ATG16L2: variants seen among roughly 807,000 people sequenced by gnomAD.
ATG16L2 encodes autophagy related 16 like 2.
In ATG16L2, 77 loss-of-function variants were observed where a neutral mutation model predicts 84.7. The observed-to-expected ratio is 0.91, with a 90% CI of 0.76 to 1.10. The LOEUF is 1.10. Ranked by LOEUF, ATG16L2 falls within the 50% of genes least tolerant of loss-of-function variation. The probability of loss-of-function intolerance (pLI) is 0.00; values close to 1 mark genes in which losing one functional copy is unlikely to be tolerated. For synonymous variants in ATG16L2, 361 were observed against 342.8 expected, an observed-to-expected ratio of 1.05 and a Z score of -0.59; for missense variants, 782 against 817.6, an observed-to-expected ratio of 0.96 and a Z score of 0.53.
chr11:72,825,479 G>A, intron 10 of ATG16L2, 72 bp downstream of exon 10: 1 of 1,167,758 alleles, frequency 8.6e-7, no homozygotes, highest in Non-Finnish European at 1.3e-6. Flanking sequence ...CTCCTTGGTG[G>A]GCAGAGGTCT....
chr11:72,826,490 CCT>C (rs1375496534), intron 11 of ATG16L2, 26 bp from the exon 12 acceptor site: 2 of 1,613,270 alleles, frequency 1.2e-6, no homozygotes, highest in Non-Finnish European at 1.7e-6. Context: ...CGGCTTAGCA[CCT>C]CTCACTTCCT....
rs549552442 is a variant in ATG16L2, at chr11:72,816,600, C to G, written c.119-128C>G. ...CCTCAGGCACAGGGCAGAGGCCAGC[C>G]TGCCAGAAGCTTCCCCATCCCTAGC... On this transcript the variant is annotated intron_variant, in intron 1 of 17. Transcript: ENST00000321297. 74 of 727,654 alleles carry G rather than the reference C, an allele frequency of 1.0e-4. 1 individual carries two copies. The East Asian group carries it at 1.9e-3, about 19-fold the overall frequency. The allele number at this position is 727,654 out of a possible 1,614,324, so 45.1% of individuals were successfully genotyped here.
chr11:72,823,056 G>A (rs1352443196), intron 7 of ATG16L2, 95 bp downstream of exon 7: 2 of 856,862 alleles, frequency 2.3e-6, no homozygotes, highest in African/African-American at 1.7e-5. Flanking sequence ...CAGCTCTTGG[G>A]TTGGGAGGGG....
Position 72,822,974 on chromosome 11 carries a change from G to A in ATG16L2, c.824+13G>A. 1 of 1,541,966 alleles carries A rather than the reference G, an allele frequency of 6.5e-7. No homozygotes were observed. On this transcript the variant is annotated intron_variant, in intron 7 of 17. Coordinates refer to ENST00000321297, the MANE Select transcript of ATG16L2 (RefSeq NM_033388.2). This position sits in a 1 kb window ranked among gnomAD's most constrained non-coding sequence, Gnocchi z 4.2. Reference sequence around the variant, plus strand: ...AGAGGCCCTTCAGGTGAGGACCCAGGTGACAGTCTCAGAGCTCTGAGCTGA... The same window carrying A: ...AGAGGCCCTTCAGGTGAGGACCCAGATGACAGTCTCAGAGCTCTGAGCTGA...
At chr11:72,823,343 A>G in intron 7 of ATG16L2, 1 of 324,028 alleles carries the variant, frequency 3.1e-6, no homozygotes. Flanking sequence ...ATGAGGCCAC[A>G]GGTGTGTACA....
rs554819732 is a variant in ATG16L2, at chr11:72,824,619, T to C, written c.888-115T>C. On this transcript the variant is annotated intron_variant, in intron 8 of 17. Transcript: ENST00000321297. Reference sequence around the variant, plus strand: ...ATGCTCTCGCTGCTCCTTGGGGCCATGTTCTGCCGCCTGCCATGTCTGCTT... The same window carrying C: ...ATGCTCTCGCTGCTCCTTGGGGCCACGTTCTGCCGCCTGCCATGTCTGCTT... 6.4e-6 allele frequency: 5 copies of C among 786,594 alleles called. No homozygotes were observed. In the South Asian group the frequency reaches 7.2e-5, roughly 11 times the overall value. The allele number at this position is 786,594 out of a possible 1,614,324, so 48.7% of individuals were successfully genotyped here.
rs201419985 is a variant in ATG16L2, at chr11:72,822,430, C to A, written c.645-48C>A. The A allele has an allele frequency of 6.2e-6, 10 of 1,611,256 alleles. No individual in the cohort carries two copies. Among genetic ancestry groups the A allele is most frequent in the East Asian group, 2.2e-5 (1 of 44,818 alleles). ...AAGGGACCGGGTCTAGCCCCGCCTG[C>A]GTGCGAGGCGCCGCGCCAGGGTCTC... On this transcript the variant is annotated intron_variant, in intron 5 of 17. Transcript: ENST00000321297. This position sits in a 1 kb window ranked among gnomAD's most constrained non-coding sequence, Gnocchi z 4.2.
At position 72,828,917 on chromosome 11, in the gene ATG16L2, G is replaced by A. The variant is rs760032306; in HGVS notation, c.1705G>A (p.Asp569Asn). 5.6e-6 allele frequency: 9 copies of A among 1,614,074 alleles called. No homozygotes were observed. Among genetic ancestry groups the A allele is most frequent in the Non-Finnish European group, 7.6e-6 (9 of 1,180,042 alleles). ...DRSYALAGSCDGALYIWDVDT... is the reference protein window; with the variant it reads ...DRSYALAGSCNGALYIWDVDT... The stretch of plus-strand genomic sequence containing the variant: ...AAGCTATGCACTGGCAGGCTCCTGT[G>A]ATGGGGCCCTTTACATCTGGGATGT... Residue 569 changes from aspartate to asparagine, a missense_variant, in exon 17 of 18, where the codon GAT (aspartate) becomes AAT (asparagine). Coordinates refer to ENST00000321297, the MANE Select transcript of ATG16L2 (RefSeq NM_033388.2).
chr11:72,817,786 C>A lies in ATG16L2; in HGVS notation c.249C>A (p.Val83=). 6.2e-7 allele frequency: 1 copy of A among 1,613,650 alleles called. No homozygotes were observed. Among genetic ancestry groups the A allele is most frequent in the Non-Finnish European group, 8.5e-7 (1 of 1,180,018 alleles). The change falls in exon 3 of 18, where the codon GTC becomes GTA. Residue 83 remains valine, a synonymous_variant. Coordinates refer to ENST00000321297, the MANE Select transcript of ATG16L2 (RefSeq NM_033388.2). Reference sequence around the variant, plus strand: ...AGTCAGAGCTTGACTCAGACCAAGTCCCATCACTGGTCGCACTGAGGGTGA... The same window carrying A: ...AGTCAGAGCTTGACTCAGACCAAGTACCATCACTGGTCGCACTGAGGGTGA... The part of the protein sequence containing the change: ...WEESELDSDQ[V]PSLVALRVKW...
At chr11:72,827,113 C>A in intron 13 of ATG16L2, 75 bp from the exon 14 acceptor site, 1 of 1,206,104 alleles carries the variant, frequency 8.3e-7, no homozygotes, top group Non-Finnish European at 1.2e-6. Context: ...TGGGCCTCAG[C>A]TTCTCCATAT....
intron 3 of ATG16L2, chr11:72,818,129 G>C (rs1859794695): frequency 4.5e-6 from 2 of 446,266 alleles, no homozygotes; most frequent in South Asian, 5.3e-5. Context: ...AGCCTGCTCT[G>C]CTCACTACTC....
At chr11:72,824,150 CCCA>C (rs956656729) in intron 8 of ATG16L2, 28 bp downstream of exon 8, 6 of 1,613,818 alleles carry the variant, frequency 3.7e-6, no homozygotes, top group Non-Finnish European at 5.1e-6. Context: ...TGTGTGTGCA[CCCA>C]CGTGTGTGTC....
chr11:72,826,648 GC>G, intron 12 of ATG16L2, 54 bp from the exon 13 acceptor site: 1 of 1,614,104 alleles, frequency 6.2e-7, no homozygotes, highest in Non-Finnish European at 8.5e-7. Flanking sequence ...GGACTAGGGG[GC>G]CTGTTATGGG....
At position 72,828,967 on chromosome 11, in the gene ATG16L2, A is replaced by G. The variant is rs149372160; in HGVS notation, c.1755A>G (p.Arg585=). Residue 585 remains arginine (R), a synonymous_variant, in exon 17 of 18, where the codon AGA becomes AGG. Transcript: ENST00000321297. ...TGGACACCGGGAAACTGGAGAGCAG[A>G]CTACAGGGACCCCATTGGTGAGCAT... ...WDVDTGKLES[R]LQGPHCAAVN... 1 of 1,613,884 alleles carries G rather than the reference A, an allele frequency of 6.2e-7. No individual in the cohort carries two copies.
chr11:72,828,821 G>A (rs773309842), intron 16 of ATG16L2, 45 bp downstream of exon 16: 15 of 1,613,902 alleles, frequency 9.3e-6, no homozygotes, highest in Admixed American at 3.3e-5. Flanking sequence ...GTGCCCTGCC[G>A]GACCCTGTGT....
At chr11:72,817,592 C>G (rs1174700781) in intron 2 of ATG16L2, among the ~76,000 whole-genome samples, 164 bp from the exon 3 acceptor site, 1 of 152,248 alleles carries the variant, frequency 6.6e-6, no homozygotes, top group African/African-American at 2.4e-5. Flanking sequence ...ATGGACAGCT[C>G]ATTTCTAGAG....
intron 12 of ATG16L2, 31 bp from the exon 13 acceptor site, chr11:72,826,672 C>G (rs781272626): frequency 6.2e-7 from 1 of 1,614,134 alleles, no homozygotes; most frequent in Admixed American, 1.7e-5. Flanking sequence ...CTTGGCCAAA[C>G]TCTTGATCCG....
rs757862655 is a variant in ATG16L2 at position 72,825,354 on chromosome 11, T to A, written c.1049T>A (p.Leu350His). ...NAVRFGPNSS[L>H]LATGGADRLI... ...GTTCGTTTTGGCCCCAACAGCAGCC[T>A]CCTGGCCACTGGAGGGGCTGACCGC... is the stretch of plus-strand genomic sequence containing the variant. Residue 350 changes from leucine to histidine, a missense_variant, in exon 10 of 18, where the codon CTC becomes CAC. Leu to His is a moderately conservative substitution (Grantham distance 99). Transcript: ENST00000321297. The A allele has an allele frequency of 2.5e-6, 4 of 1,613,346 alleles. No individual in the cohort carries two copies. The East Asian group carries it at 8.9e-5, about 36-fold the overall frequency.
intron 5 of ATG16L2, among the ~76,000 whole-genome samples, chr11:72,835,437 GAGAGGTGGTGGTGAGA>G (rs1470149822): frequency 1.4e-5 from 2 of 138,702 alleles, no homozygotes; most frequent in Admixed American, 1.6e-4. Context: ...TGGTGGTGAG[GAGAGGTGGTGGTGAGA>G]AGAGTTCGTG....
Sources: gnomAD v4.1 joint callset for allele counts (sites outside exome capture counted in the v4.1 genomes callset) on GRCh38, gnomAD v4.1.1 for gene constraint, Gnocchi (gnomAD v3.1) non-coding constraint, MANE v1.5 for transcripts, NCBI Gene and HGNC (gene_info 2026-07-23, HGNC 2026-07-21) for gene names.